EHBP1: variants seen among roughly 807,000 people sequenced by gnomAD.
EHBP1 encodes the protein EH domain-binding protein 1.
Under a neutral mutation model 144.0 loss-of-function variants are expected in EHBP1, and 55 were observed. The observed-to-expected ratio is 0.38, with a 90% CI of 0.31 to 0.48. The LOEUF is 0.48. EHBP1 is among the 20% of genes least tolerant of loss of function. The pLI is 0.98. For synonymous variants in EHBP1, 469 were observed against 472.7 expected, an observed-to-expected ratio of 0.99 and a Z score of 0.10; for missense variants, 1,200 against 1,364.2, an observed-to-expected ratio of 0.88 and a Z score of 1.90.
intron 6 of EHBP1, among the ~76,000 whole-genome samples, chr2:62,828,404 A>G: frequency 6.6e-6 from 1 of 152,360 alleles, no homozygotes; most frequent in Admixed American, 6.5e-5. Flanking sequence ...TGTAAACTTT[A>G]TAAATTTGTA....
chr2:63,046,464 AAGC>A lies in EHBP1; in HGVS notation c.*967_*969del, dbSNP rs890946144. The A allele has an allele frequency of 3.4e-4, 52 of 152,750 alleles. No homozygotes were observed. Among genetic ancestry groups the A allele is most frequent in the African/African-American group, 1.1e-3 (46 of 41,566 alleles). 9.5% of individuals were successfully genotyped at this position (152,750 alleles called of 1,614,324 possible). ...TGAGTCATATATAAATTTTCAATAA[AAGC>A]AGAAACTTTCTTACCTTAAACACGG... On this transcript the variant is annotated 3_prime_UTR_variant, in exon 23 of 23. Transcript: ENST00000431489.
At chr2:62,953,386 A>T (rs773517463) in intron 13 of EHBP1, among the ~76,000 whole-genome samples, 1 of 151,762 alleles carries the variant, frequency 6.6e-6, no homozygotes, top group Non-Finnish European at 1.5e-5. Flanking sequence ...TAGGTAGCCA[A>T]TTAAAAATCA....
chr2:62,883,193 T>A (rs1241170999), intron 10 of EHBP1, among the ~76,000 whole-genome samples: 2 of 152,242 alleles, frequency 1.3e-5, no homozygotes, highest in African/African-American at 4.8e-5. Context: ...CTTTTCTCAC[T>A]GTGTCATGCT....
In EHBP1 at chr2:62,689,537, G is replaced by A. The variant is rs185326728; in HGVS notation, c.-296+15454G>A. 1.1e-3 allele frequency among the ~76,000 whole-genome samples: 169 copies of A among 152,256 alleles called. 1 individual carries two copies. The highest frequency in any genetic ancestry group is 3.8e-3 in the African/African-American group (159 of 41,540). On this transcript the variant is annotated intron_variant, in intron 1 of 22. Transcript: ENST00000405015. ...CACACACCTGTAATTCCAGCTACCC[G>A]GGAGGCTGAGGCAGGAGAATTGCTT...
At chr2:62,739,953 A>C (rs952567175) in intron 2 of EHBP1, among the ~76,000 whole-genome samples, 11 of 148,612 alleles carry the variant, frequency 7.4e-5, no homozygotes, top group Non-Finnish European at 1.2e-4. Context: ...AAAAAAAAAA[A>C]GAAAAATTAT....
intron 19 of EHBP1, among the ~76,000 whole-genome samples, chr2:63,000,256 G>C (rs913560815): frequency 2.0e-5 from 3 of 152,174 alleles, no homozygotes; most frequent in African/African-American, 7.2e-5. Flanking sequence ...AGCTGGGAAA[G>C]GGCACCAACG....
intron 5 of EHBP1, among the ~76,000 whole-genome samples, chr2:62,776,124 C>T (rs1300177837): frequency 1.3e-5 from 2 of 152,190 alleles, no homozygotes; most frequent in Non-Finnish European, 2.9e-5. Context: ...TTATCAGTCA[C>T]TAGAATTCTT....
chr2:62,999,628 G>C (rs1239268156), intron 19 of EHBP1, among the ~76,000 whole-genome samples: 1 of 152,104 alleles, frequency 6.6e-6, no homozygotes, highest in Non-Finnish European at 1.5e-5. Flanking sequence ...TATCTTCAAG[G>C]TTCATCCATG....
chr2:62,718,247 G>C lies in EHBP1; in HGVS notation c.104+10952G>C, dbSNP rs573780112. Among the ~76,000 whole-genome samples, 12 of 152,280 alleles carry C rather than the reference G, an allele frequency of 7.9e-5. No homozygotes were observed. In the South Asian group the frequency reaches 2.5e-3, roughly 32 times the overall value. ...AGAGTACCACTTGGGAAATTTAGAAGAATGGAAATTTTACATAAATCATTT... is the reference window on the plus strand; with the variant it reads ...AGAGTACCACTTGGGAAATTTAGAACAATGGAAATTTTACATAAATCATTT... On this transcript the variant is annotated intron_variant, in intron 2 of 22. Coordinates refer to ENST00000431489, the MANE Select transcript of EHBP1 (RefSeq NM_001142616.3).
intron 3 of EHBP1, among the ~76,000 whole-genome samples, chr2:62,760,860 A>C (rs1348033047): frequency 6.6e-6 from 1 of 152,246 alleles, no homozygotes; most frequent in Non-Finnish European, 1.5e-5. Flanking sequence ...GATCTGAATT[A>C]GATCTAAAGA....
chr2:63,019,882 AGG>A, intron 19 of EHBP1, among the ~76,000 whole-genome samples: 1 of 145,980 alleles, frequency 6.9e-6, no homozygotes, highest in African/African-American at 2.5e-5. Flanking sequence ...GAAGGAAGGA[AGG>A]AAGGAAGGAA....
chr2:62,680,285 C>G lies in EHBP1; in HGVS notation c.-296+6202C>G, dbSNP rs142722391. On this transcript the variant is annotated intron_variant, in intron 1 of 22. Coordinates refer to the EHBP1 transcript ENST00000405015. ...CAGTGCCCCTTGGCTTCATCCTCAT[C>G]CCTCACACTGTTCTACCCTCCCCTG... Among the ~76,000 whole-genome samples, 314 of 152,344 alleles carry G rather than the reference C, an allele frequency of 2.1e-3. 1 individual carries two copies. The highest frequency in any genetic ancestry group is 7.2e-3 in the African/African-American group (298 of 41,590).
chr2:62,751,063 A>G (rs1027636452), intron 3 of EHBP1, among the ~76,000 whole-genome samples: 4 of 152,198 alleles, frequency 2.6e-5, no homozygotes, highest in African/African-American at 4.8e-5. Flanking sequence ...TCTTGTGTGA[A>G]TTTTGAAAGG....
chr2:62,997,664 A>G (rs1376684917), intron 19 of EHBP1, among the ~76,000 whole-genome samples: 1 of 152,184 alleles, frequency 6.6e-6, no homozygotes, highest in Non-Finnish European at 1.5e-5. Flanking sequence ...AGGATTGGAA[A>G]GCTTTCCTGA....
intron 5 of EHBP1, among the ~76,000 whole-genome samples, chr2:62,794,683 A>G (rs909988126): frequency 6.6e-6 from 1 of 151,984 alleles, no homozygotes; most frequent in African/African-American, 2.4e-5. Flanking sequence ...TGCTTATACC[A>G]TATTTACTAT....
chr2:62,877,418 A>G (rs1020602369), intron 10 of EHBP1, among the ~76,000 whole-genome samples: 1 of 152,230 alleles, frequency 6.6e-6, no homozygotes, highest in Non-Finnish European at 1.5e-5. Context: ...TCAACACCCC[A>G]CTGACAATAT....
intron 1 of EHBP1, among the ~76,000 whole-genome samples, chr2:62,688,900 A>G (rs1257975558): frequency 6.6e-6 from 1 of 152,288 alleles, no homozygotes; most frequent in South Asian, 2.1e-4. Flanking sequence ...GTGATGCAGG[A>G]CTACATGCAA....
At chr2:62,777,704 A>T (rs1456979845) in intron 5 of EHBP1, among the ~76,000 whole-genome samples, 3 of 152,214 alleles carry the variant, frequency 2.0e-5, no homozygotes, top group African/African-American at 7.2e-5. Flanking sequence ...CAAGAAGCTT[A>T]TAAAGTAGTG....
At chr2:62,698,161 CA>C (rs2034164460) in intron 1 of EHBP1, among the ~76,000 whole-genome samples, 1 of 152,200 alleles carries the variant, frequency 6.6e-6, no homozygotes, top group Non-Finnish European at 1.5e-5. Flanking sequence ...AGAAGTTGAA[CA>C]GTTAACAATA....
Sources: gnomAD v4.1 joint callset for allele counts (sites outside exome capture counted in the v4.1 genomes callset) on GRCh38, gnomAD v4.1.1 for gene constraint, MANE v1.5 for transcripts, NCBI Gene and HGNC (gene_info 2026-07-23, HGNC 2026-07-21) for gene names.